Variants in TNFRSF21 observed in about 807,000 individuals in gnomAD.
TNFRSF21 encodes the protein tumor necrosis factor receptor superfamily member 21.
TNFRSF21 carries 19 observed loss-of-function variants against 45.6 expected under a neutral mutation model. The observed-to-expected ratio is 0.42, with a 90% CI of 0.29 to 0.61. TNFRSF21 has a LOEUF of 0.61. TNFRSF21 is among the 20% of genes least tolerant of loss of function. The pLI, the probability that TNFRSF21 is intolerant of heterozygous loss-of-function variation, is 0.23. For synonymous variants in TNFRSF21, 314 were observed against 335.5 expected (o/e 0.94, Z 0.70); for missense variants, 737 against 851.5 (o/e 0.87, Z 1.67).
chr6:47,306,379 GGCACAGGGCTAAGGGAGGACATGA>G (rs1237351896), intron 1 of TNFRSF21, among the ~76,000 whole-genome samples: 1 of 152,216 alleles, frequency 6.6e-6, no homozygotes, highest in African/African-American at 2.4e-5. Context: ...CACGCAGTGT[GGCACAGGGCTAAGGGAGGACATGA>G]GCTGAAGAGC....
At chr6:47,235,444 A>T (rs542416534) in intron 4 of TNFRSF21, among the ~76,000 whole-genome samples, 18 of 152,350 alleles carry the variant, frequency 1.2e-4, no homozygotes, top group African/African-American at 4.3e-4. Context: ...AGACACAGTG[A>T]AGACATGGTG....
At chr6:47,243,834 T>C (rs1275959850) in intron 4 of TNFRSF21, among the ~76,000 whole-genome samples, 2 of 152,232 alleles carry the variant, frequency 1.3e-5, no homozygotes. Context: ...AGATGTTCAA[T>C]AACTTAGATA....
At chr6:47,277,396 G>A (rs1762514278) in intron 3 of TNFRSF21, among the ~76,000 whole-genome samples, 1 of 152,238 alleles carries the variant, frequency 6.6e-6, no homozygotes, top group Admixed American at 6.5e-5. Context: ...AGGAGGTGAT[G>A]ATGTCAGTGG....
intron 3 of TNFRSF21, among the ~76,000 whole-genome samples, chr6:47,255,405 T>A (rs1764970755): frequency 6.6e-6 from 1 of 152,120 alleles, no homozygotes; most frequent in Admixed American, 6.5e-5. Context: ...GTAAGGGCCC[T>A]GGTATTTTAC....
intron 4 of TNFRSF21, among the ~76,000 whole-genome samples, chr6:47,236,725 T>C (rs1764669300): frequency 6.6e-6 from 1 of 152,196 alleles, no homozygotes; most frequent in African/African-American, 2.4e-5. Context: ...CCATAGGCCC[T>C]GGCGCATGCC....
At chr6:47,233,275 A>G (rs9395241) in intron 5 of TNFRSF21, among the ~76,000 whole-genome samples, 39,212 of 152,186 alleles carry the variant, frequency 0.26, 5,987 homozygotes, top group East Asian at 0.55. Flanking sequence ...CATTAATGTG[A>G]CATTTGCCTA....
At chr6:47,288,140 T>C (rs916961450) in intron 1 of TNFRSF21, among the ~76,000 whole-genome samples, 2 of 152,226 alleles carry the variant, frequency 1.3e-5, no homozygotes, top group Admixed American at 6.5e-5. Flanking sequence ...ATTCCCAAGG[T>C]GGAAACAGCA....
intron 1 of TNFRSF21, among the ~76,000 whole-genome samples, chr6:47,295,178 CTTG>C (rs957313828): frequency 2.0e-5 from 3 of 152,214 alleles, no homozygotes; most frequent in African/African-American, 4.8e-5. Flanking sequence ...CCACACCTCT[CTTG>C]TTGTCACTTC....
chr6:47,253,820 G>T (rs757691331), intron 3 of TNFRSF21, among the ~76,000 whole-genome samples: 3 of 152,166 alleles, frequency 2.0e-5, no homozygotes, highest in Non-Finnish European at 4.4e-5. Context: ...GGTATTCACG[G>T]TGATTCCTCT....
intron 4 of TNFRSF21, among the ~76,000 whole-genome samples, chr6:47,243,301 AATAAGTAT>A (rs1283385964): frequency 6.6e-6 from 1 of 152,186 alleles, no homozygotes; most frequent in Non-Finnish European, 1.5e-5. Flanking sequence ...TATACCAATA[AATAAGTAT>A]ATATGTTCTC....
intron 3 of TNFRSF21, among the ~76,000 whole-genome samples, chr6:47,262,697 T>G (rs1179956091): frequency 6.6e-6 from 1 of 152,112 alleles, no homozygotes; most frequent in African/African-American, 2.4e-5. Context: ...AAGAGGGTTC[T>G]GGGCAAAGGG....
At chr6:47,293,602 G>C (rs1183274794) in intron 1 of TNFRSF21, among the ~76,000 whole-genome samples, 1 of 152,174 alleles carries the variant, frequency 6.6e-6, no homozygotes, top group Non-Finnish European at 1.5e-5. Flanking sequence ...AAAAAATACA[G>C]AGAGCAGAAG....
At chr6:47,289,021 C>T (rs1396245224) in intron 1 of TNFRSF21, among the ~76,000 whole-genome samples, 1 of 152,176 alleles carries the variant, frequency 6.6e-6, no homozygotes, top group Non-Finnish European at 1.5e-5. Context: ...GGACTAAATC[C>T]TGAGGTCCTT....
chr6:47,289,469 C>CA (rs570251955), intron 1 of TNFRSF21, among the ~76,000 whole-genome samples: 1 of 151,902 alleles, frequency 6.6e-6, no homozygotes, highest in Non-Finnish European at 1.5e-5. Context: ...CCTCCCCCAA[C>CA]AAAAAAAGGA....
chr6:47,267,934 C>T (rs531939255), intron 3 of TNFRSF21, among the ~76,000 whole-genome samples: 2 of 152,288 alleles, frequency 1.3e-5, no homozygotes, highest in South Asian at 2.1e-4. Context: ...TCCATCAACC[C>T]CCACTCCTCA....
chr6:47,258,640 T>C (rs553192975), intron 3 of TNFRSF21, among the ~76,000 whole-genome samples: 4 of 152,246 alleles, frequency 2.6e-5, no homozygotes, highest in African/African-American at 7.2e-5. Flanking sequence ...GGTTTTGCCA[T>C]GTTGGCCAGG....
intron 1 of TNFRSF21, among the ~76,000 whole-genome samples, chr6:47,287,888 A>G (rs373845160): frequency 6.8e-6 from 1 of 147,640 alleles, no homozygotes; most frequent in Non-Finnish European, 1.5e-5. Context: ...TAAAAAGACT[A>G]TCTGATAAAA....
chr6:47,274,168 TG>T (rs1762463981), intron 3 of TNFRSF21, among the ~76,000 whole-genome samples: 1 of 152,124 alleles, frequency 6.6e-6, no homozygotes, highest in Admixed American at 6.6e-5. Context: ...AAAAAGGGCC[TG>T]CATTGCCAAG....
chr6:47,286,171 C>G lies in TNFRSF21; in HGVS notation c.521G>C (p.Gly174Ala). ...EDVRCKQCAR[G>A]TFSDVPSSVM... ...ACTAGAAGGCACATCTGAGAAGGTA[C>G]CCCGAGCACACTGCTTACACCGCAC... Residue 174 changes from glycine (G) to alanine (A), a missense_variant, in exon 2 of 6, where the codon GGT (glycine) becomes GCT (alanine). Coordinates refer to ENST00000296861, the MANE Select transcript of TNFRSF21 (RefSeq NM_014452.5). 6.2e-7 allele frequency: 1 copy of G among 1,614,222 alleles called. No individual in the cohort carries two copies. Among genetic ancestry groups the G allele is most frequent in the South Asian group, 1.1e-5 (1 of 91,084 alleles).
Sources: gnomAD v4.1 joint callset for allele counts (sites outside exome capture counted in the v4.1 genomes callset) on GRCh38, gnomAD v4.1.1 for gene constraint, MANE v1.5 for transcripts, NCBI Gene and HGNC (gene_info 2026-07-23, HGNC 2026-07-21) for gene names.